Variants in GNA14 observed in about 807,000 individuals in gnomAD.
The protein encoded by GNA14 is guanine nucleotide-binding protein subunit alpha-14.
Under a neutral mutation model 42.0 loss-of-function variants are expected in GNA14, and 50 were observed. The observed-to-expected ratio is 1.19, with a 90% CI of 0.95 to 1.51. The LOEUF (loss-of-function observed/expected upper bound fraction) is 1.51, where lower values mean the gene tolerates loss of function less well. Ranked by LOEUF, GNA14 falls within the 40% of genes most tolerant of loss-of-function variation. GNA14 has a pLI of 0.00. For synonymous variants in GNA14, 173 were observed against 163.1 expected, an observed-to-expected ratio of 1.06 and a Z score of -0.46; for missense variants, 473 against 446.2, an observed-to-expected ratio of 1.06 and a Z score of -0.54.
chr9:77,463,083 A>G (rs1320102643), intron 2 of GNA14, among the ~76,000 whole-genome samples: 1 of 152,162 alleles, frequency 6.6e-6, no homozygotes, highest in African/African-American at 2.4e-5. Context: ...CTAAGCTCTG[A>G]TCTTGATCCT....
At chr9:77,514,433 C>T (rs1027768492) in intron 2 of GNA14, among the ~76,000 whole-genome samples, 2 of 151,920 alleles carry the variant, frequency 1.3e-5, no homozygotes, top group Non-Finnish European at 2.9e-5. Context: ...GAGGTAAACC[C>T]GACATGATTC....
chr9:77,637,909 T>G (rs1587857083), intron 1 of GNA14, among the ~76,000 whole-genome samples: 1 of 152,346 alleles, frequency 6.6e-6, no homozygotes, highest in East Asian at 1.9e-4. Context: ...AACTTTAGCT[T>G]TTATTGCTAC....
At chr9:77,644,653 A>G (rs1435875373) in intron 1 of GNA14, among the ~76,000 whole-genome samples, 1 of 151,910 alleles carries the variant, frequency 6.6e-6, no homozygotes, top group East Asian at 1.9e-4. Context: ...AGTCTGTGGT[A>G]TTTTGTTATG....
chr9:77,590,426 T>C (rs1321641216), intron 1 of GNA14, among the ~76,000 whole-genome samples: 3 of 152,172 alleles, frequency 2.0e-5, no homozygotes, highest in African/African-American at 7.2e-5. Flanking sequence ...TGAGCATAAT[T>C]TCACATTTTC....
Position 77,434,409 on chromosome 9 carries a change from G to C in GNA14, c.423C>G (p.Tyr141Ter), listed in dbSNP as rs781037090. The C allele has an allele frequency of 5.6e-6, 9 of 1,613,968 alleles. No homozygotes were observed. Among genetic ancestry groups the C allele is most frequent in the African/African-American group, 1.3e-5 (1 of 74,910 alleles). Residue 141 changes from tyrosine to a stop codon, truncating the protein, a stop_gained, in exon 3 of 7, where the codon TAC (tyrosine) becomes TAG (stop). Transcript: ENST00000341700. LOFTEE classifies it high-confidence loss of function. ...LWQDPGIQEC[Y>*]DRRREYQLSD... The stretch of plus-strand genomic sequence containing the variant: ...ACAGCTGGTACTCCCTCCTCCTGTC[G>C]TAACACTCCTGGATGCCTGGATCTT...
chr9:77,581,770 G>A (rs552637582), intron 1 of GNA14, among the ~76,000 whole-genome samples: 6 of 152,178 alleles, frequency 3.9e-5, no homozygotes, highest in African/African-American at 9.7e-5. Flanking sequence ...CAATCATCCA[G>A]TCCACATTCC....
chr9:77,428,209 G>A (rs529156752), intron 5 of GNA14, among the ~76,000 whole-genome samples: 1 of 151,324 alleles, frequency 6.6e-6, no homozygotes, highest in African/African-American at 2.4e-5. Context: ...CTCCTGAATA[G>A]CTGGGACTAC....
chr9:77,431,292 T>C, intron 4 of GNA14, 29 bp downstream of exon 4: 1 of 1,607,054 alleles, frequency 6.2e-7, no homozygotes, highest in South Asian at 1.1e-5. Context: ...GGGCAGATTC[T>C]TCATGGTACA....
At chr9:77,570,953 T>C (rs1404498463) in intron 1 of GNA14, among the ~76,000 whole-genome samples, 2 of 152,192 alleles carry the variant, frequency 1.3e-5, no homozygotes, top group East Asian at 3.8e-4. Context: ...TTACATTCAA[T>C]ATAATAAGTT....
chr9:77,629,113 C>A (rs116788927), intron 1 of GNA14, among the ~76,000 whole-genome samples: 21 of 151,988 alleles, frequency 1.4e-4, no homozygotes, highest in Non-Finnish European at 2.8e-4. Flanking sequence ...ATGTGGCCAA[C>A]AAACATGTGA....
Position 77,517,771 on chromosome 9 carries a change from A to G in GNA14, c.309+11298T>C, listed in dbSNP as rs1460046932. On this transcript the variant is annotated intron_variant, in intron 2 of 6. Coordinates refer to ENST00000341700, the MANE Select transcript of GNA14 (RefSeq NM_004297.4). ...TACAGATGCACACCACACTCAGATA[A>G]TTTTTATATTTTTTGTAGAAACAGG... 3.3e-5 allele frequency among the ~76,000 whole-genome samples: 5 copies of G among 150,214 alleles called. No individual in the cohort carries two copies. In the East Asian group the frequency reaches 5.9e-4, roughly 18 times the overall value.
At chr9:77,612,820 T>C (rs947772779) in intron 1 of GNA14, among the ~76,000 whole-genome samples, 1 of 152,092 alleles carries the variant, frequency 6.6e-6, no homozygotes, top group African/African-American at 2.4e-5. Context: ...AGTTAAAAAA[T>C]TTAAAAATAG....
At chr9:77,471,798 T>A (rs761404189) in intron 2 of GNA14, among the ~76,000 whole-genome samples, 4 of 152,136 alleles carry the variant, frequency 2.6e-5, no homozygotes, top group Non-Finnish European at 4.4e-5. Context: ...ACACCTGGTG[T>A]TTAAGGACTT....
chr9:77,579,661 C>T (rs1432680046), intron 1 of GNA14, among the ~76,000 whole-genome samples: 3 of 152,130 alleles, frequency 2.0e-5, no homozygotes, highest in Non-Finnish European at 4.4e-5. Context: ...CATTTCCCCC[C>T]ATATAGACAT....
intron 1 of GNA14, among the ~76,000 whole-genome samples, chr9:77,614,204 G>A (rs1327451236): frequency 5.3e-5 from 8 of 152,090 alleles, no homozygotes; most frequent in Non-Finnish European, 8.8e-5. Flanking sequence ...TCTAACCAAA[G>A]GCCTCAAAGA....
At chr9:77,486,595 C>G (rs1836664443) in intron 2 of GNA14, among the ~76,000 whole-genome samples, 1 of 152,150 alleles carries the variant, frequency 6.6e-6, no homozygotes, top group Admixed American at 6.5e-5. Context: ...TTAATCATTT[C>G]TAGCTTTTGA....
At chr9:77,443,624 A>C (rs1427747813) in intron 2 of GNA14, among the ~76,000 whole-genome samples, 1 of 152,210 alleles carries the variant, frequency 6.6e-6, no homozygotes, top group East Asian at 1.9e-4. Context: ...AACAGAATTT[A>C]CTGGCCACAA....
intron 2 of GNA14, among the ~76,000 whole-genome samples, chr9:77,439,596 C>CTTCG (rs1200207940): frequency 1.3e-5 from 2 of 152,204 alleles, no homozygotes; most frequent in East Asian, 1.9e-4. Flanking sequence ...AAGATCGTGC[C>CTTCG]ACCGCACTTC....
chr9:77,540,040 GT>G (rs1284470579), intron 1 of GNA14, among the ~76,000 whole-genome samples: 1 of 151,740 alleles, frequency 6.6e-6, no homozygotes, highest in Admixed American at 6.6e-5. Context: ...GTTGGGTTTG[GT>G]TTGTTCTTGT....
Sources: allele counts gnomAD v4.1 joint callset (sites outside exome capture counted in the v4.1 genomes callset), GRCh38; gene constraint gnomAD v4.1.1; transcripts MANE v1.5; gene names NCBI Gene and HGNC (gene_info 2026-07-23, HGNC 2026-07-21).